CD5: variants seen among roughly 807,000 people sequenced by gnomAD.
CD5 encodes CD5 molecule, also known as T-cell surface glycoprotein CD5.
CD5 carries 36 observed loss-of-function variants against 60.3 expected under a neutral mutation model. The ratio of observed to expected loss-of-function variants is 0.60; its 90% CI spans 0.46 to 0.79. The LOEUF is 0.79. Among genes scored for constraint, CD5 ranks in the 30% least tolerant of loss-of-function variants. The pLI, the probability that CD5 is intolerant of heterozygous loss-of-function variation, is 0.00. For synonymous variants in CD5, 230 were observed against 257.6 expected (o/e 0.89, Z 1.03); for missense variants, 540 against 630.6 (o/e 0.86, Z 1.54).
chr11:61,126,190 G>A (rs1024563334), intron 10 of CD5, 98 bp from the exon 11 acceptor site: 11 of 189,016 alleles, frequency 5.8e-5, no homozygotes, highest in East Asian at 2.5e-4. Flanking sequence ...GACAGCAGCC[G>A]TCCCCAAGAT....
In CD5 at chr11:61,119,275, C is replaced by T. The variant is rs1388655911; in HGVS notation, c.505C>T (p.His169Tyr). The T allele has an allele frequency of 6.2e-7, 1 of 1,612,956 alleles. No individual in the cohort carries two copies. Among genetic ancestry groups the T allele is most frequent in the Non-Finnish European group, 8.5e-7 (1 of 1,179,682 alleles). ...LQLVAQSGGQ[H>Y]CAGVVEFYSG... ...GCTGGTGGCACAGTCTGGCGGCCAG[C>T]ACTGTGCCGGCGTGGTGGAGTTCTA... is the stretch of plus-strand genomic sequence containing the variant. The change falls in exon 5 of 11, where the codon CAC becomes TAC. Residue 169 changes from histidine (H) to tyrosine (Y), a missense_variant. Transcript: ENST00000347785.
At chr11:61,096,126 C>A in the CD5 span, among the ~76,000 whole-genome samples, 5 of 152,214 alleles carry the variant, frequency 3.3e-5, no homozygotes, top group African/African-American at 1.2e-4. Flanking sequence ...GGGAATTCCC[C>A]CGAAAGGAGA....
At chr11:61,122,030 G>A (rs1015327485) in intron 6 of CD5, 126 bp downstream of exon 6, 1 of 783,416 alleles carries the variant, frequency 1.3e-6, no homozygotes. Context: ...GACCCAGAAA[G>A]GATGGAGACA....
the CD5 span, among the ~76,000 whole-genome samples, chr11:61,095,296 C>T: frequency 6.6e-6 from 1 of 152,136 alleles, no homozygotes; most frequent in African/African-American, 2.4e-5. Flanking sequence ...CAGCCCAAGA[C>T]TGGAATCCAA....
chr11:61,126,376 T>C lies in CD5; in HGVS notation c.*91T>C, dbSNP rs1861148876. On this transcript the variant is annotated 3_prime_UTR_variant, in exon 11 of 11. Transcript: ENST00000347785. ...CTTCACTTGAAATCATGTCCCTATT[T>C]CTACCCCGGCCAGAACATGGACAGA... is the stretch of plus-strand genomic sequence containing the variant. The C allele has an allele frequency of 6.6e-6, 1 of 152,334 alleles. No individual in the cohort carries two copies. The highest frequency in any genetic ancestry group is 2.4e-5 in the African/African-American group (1 of 41,466). 9.4% of individuals were successfully genotyped at this position (152,334 alleles called of 1,614,324 possible).
At chr11:61,102,661 A>G (rs370804474) in intron 1 of CD5, 46 bp downstream of exon 1, 1 of 1,476,014 alleles carries the variant, frequency 6.8e-7, no homozygotes, top group Non-Finnish European at 9.3e-7. Flanking sequence ...GGCTCGCTCC[A>G]GTGCAAGGAA....
upstream of CD5, among the ~76,000 whole-genome samples, chr11:61,100,793 T>C (rs563737918): frequency 4.1e-3 from 505 of 122,448 alleles, 5 homozygotes; most frequent in African/African-American, 0.015. Flanking sequence ...CACATCAACA[T>C]GGAGATCACA....
chr11:61,123,769 A>G, intron 7 of CD5, 115 bp from the exon 8 acceptor site: 1 of 795,188 alleles, frequency 1.3e-6, no homozygotes, highest in Non-Finnish European at 2.1e-6. Flanking sequence ...CCCTGCCCTC[A>G]GCTGCACCTG....
At chr11:61,109,871 C>T (rs913895684) in intron 1 of CD5, among the ~76,000 whole-genome samples, 3 of 152,240 alleles carry the variant, frequency 2.0e-5, no homozygotes, top group Admixed American at 2.0e-4. Context: ...AATTCTCATC[C>T]GTAGCCCCAG....
At chr11:61,095,680 A>T in the CD5 span, among the ~76,000 whole-genome samples, 18 of 152,210 alleles carry the variant, frequency 1.2e-4, no homozygotes, top group African/African-American at 4.3e-4. Context: ...GAGGGACCAG[A>T]CATGGAGAGG....
intron 8 of CD5, among the ~76,000 whole-genome samples, chr11:61,124,230 C>G (rs1399787600): frequency 6.6e-6 from 1 of 152,092 alleles, no homozygotes. Flanking sequence ...CCCCAGCAGC[C>G]CTCACCTCCT....
At chr11:61,095,776 T>C in the CD5 span, among the ~76,000 whole-genome samples, 1 of 152,130 alleles carries the variant, frequency 6.6e-6, no homozygotes, top group Non-Finnish European at 1.5e-5. Context: ...TCTGAGGTCA[T>C]CCAAGGAAAA....
intron 1 of CD5, among the ~76,000 whole-genome samples, chr11:61,107,037 C>T (rs993714276): frequency 6.6e-6 from 1 of 152,092 alleles, no homozygotes; most frequent in Non-Finnish European, 1.5e-5. Flanking sequence ...GGGAGACAAA[C>T]AAGACACAAG....
At position 61,107,603 on chromosome 11, in the gene CD5, C is replaced by A. The variant is rs561067301; in HGVS notation, c.55+4988C>A. Reference sequence around the variant, plus strand: ...TAGAGGGATGTAAAGACAGCAAACACCCTCCCACCAAATGCATTAGAACAA... The same window carrying A: ...TAGAGGGATGTAAAGACAGCAAACAACCTCCCACCAAATGCATTAGAACAA... On this transcript the variant is annotated intron_variant, in intron 1 of 10. Coordinates refer to ENST00000347785, the MANE Select transcript of CD5 (RefSeq NM_014207.4). 1.2e-4 allele frequency among the ~76,000 whole-genome samples: 18 copies of A among 152,308 alleles called. No individual in the cohort carries two copies. The South Asian group carries it at 3.5e-3, about 30-fold the overall frequency.
At chr11:61,095,941 C>G in the CD5 span, among the ~76,000 whole-genome samples, 1 of 152,334 alleles carries the variant, frequency 6.6e-6, no homozygotes, top group East Asian at 1.9e-4. Flanking sequence ...CAGAAACAGG[C>G]TGGGTTTGCG....
At chr11:61,117,142 TA>T in intron 2 of CD5, among the ~76,000 whole-genome samples, 1 of 152,276 alleles carries the variant, frequency 6.6e-6, no homozygotes, top group Middle Eastern at 3.4e-3. Context: ...CATTCGGCAA[TA>T]AAAAGGAATG....
At chr11:61,103,803 CTGTG>C (rs562693466) in intron 1 of CD5, among the ~76,000 whole-genome samples, 150 of 103,236 alleles carry the variant, frequency 1.5e-3, no homozygotes, top group African/African-American at 5.9e-3. Context: ...ATGTGTGAGT[CTGTG>C]TGTGAGTCTC....
chr11:61,120,080 A>G (rs1861035239), intron 5 of CD5, among the ~76,000 whole-genome samples: 4 of 152,248 alleles, frequency 2.6e-5, no homozygotes, highest in East Asian at 3.9e-4. Flanking sequence ...ACAGCCCCCA[A>G]GAGGGCTCTG....
chr11:61,104,374 A>C (rs1367080969), intron 1 of CD5, among the ~76,000 whole-genome samples: 1 of 152,146 alleles, frequency 6.6e-6, no homozygotes. Flanking sequence ...GGCTTCAGGG[A>C]CCCTGCTAAG....
Sources: gnomAD v4.1 joint callset for allele counts (sites outside exome capture counted in the v4.1 genomes callset) on GRCh38, gnomAD v4.1.1 for gene constraint, MANE v1.5 for transcripts, NCBI Gene and HGNC (gene_info 2026-07-23, HGNC 2026-07-21) for gene names.